SLC25A21: variants seen among roughly 807,000 people sequenced by gnomAD.
The protein encoded by SLC25A21 is mitochondrial 2-oxodicarboxylate carrier.
SLC25A21 carries 47 observed loss-of-function variants against 43.8 expected under a neutral mutation model. The observed-to-expected ratio is 1.07, with a 90% CI of 0.85 to 1.37. The LOEUF (loss-of-function observed/expected upper bound fraction) is 1.37, where lower values mean the gene tolerates loss of function less well. Ranked by LOEUF, SLC25A21 falls within the 40% of genes most tolerant of loss-of-function variation. The probability of loss-of-function intolerance (pLI) is 0.00; values close to 1 mark genes in which losing one functional copy is unlikely to be tolerated. For synonymous variants in SLC25A21, 131 were observed against 121.3 expected (o/e 1.08, Z -0.52); for missense variants, 352 against 350.2 (o/e 1.00, Z -0.04).
chr14:36,905,862 T>C (rs1375727101), intron 1 of SLC25A21, among the ~76,000 whole-genome samples: 4 of 152,082 alleles, frequency 2.6e-5, no homozygotes, highest in Non-Finnish European at 4.4e-5. Flanking sequence ...ACCTGAGAAA[T>C]GGATATGGCT....
chr14:36,967,262 C>T (rs1170460776), intron 1 of SLC25A21, among the ~76,000 whole-genome samples: 3 of 152,152 alleles, frequency 2.0e-5, no homozygotes, highest in Non-Finnish European at 2.9e-5. Flanking sequence ...TGTGGTTCTA[C>T]CACATTCCCA....
At chr14:37,059,674 G>A (rs982875266) in intron 1 of SLC25A21, among the ~76,000 whole-genome samples, 2 of 152,122 alleles carry the variant, frequency 1.3e-5, no homozygotes, top group Non-Finnish European at 2.9e-5. Context: ...TGCCCACAAA[G>A]GCACACCTGC....
intron 1 of SLC25A21, among the ~76,000 whole-genome samples, chr14:37,143,149 G>A (rs1963599170): frequency 6.6e-6 from 1 of 152,184 alleles, no homozygotes; most frequent in African/African-American, 2.4e-5. Context: ...GCCTTATAAT[G>A]GAAAGTTTTA....
At chr14:37,043,715 C>T (rs547960928) in intron 1 of SLC25A21, among the ~76,000 whole-genome samples, 223 of 151,978 alleles carry the variant, frequency 1.5e-3, no homozygotes, top group African/African-American at 5.2e-3. Context: ...ATTCAAATTG[C>T]TTGGTCACTT....
chr14:37,029,954 G>A (rs1174134391), intron 1 of SLC25A21, among the ~76,000 whole-genome samples: 1 of 151,594 alleles, frequency 6.6e-6, no homozygotes, highest in African/African-American at 2.4e-5. Flanking sequence ...TAGTAGAGAT[G>A]AGATTTCACT....
chr14:36,792,381 C>G (rs972920884), intron 3 of SLC25A21, among the ~76,000 whole-genome samples: 1 of 152,104 alleles, frequency 6.6e-6, no homozygotes, highest in Non-Finnish European at 1.5e-5. Context: ...TCAATGGCTG[C>G]GAGTCTGTAT....
At chr14:36,814,811 A>G (rs1888396950) in intron 2 of SLC25A21, among the ~76,000 whole-genome samples, 1 of 152,172 alleles carries the variant, frequency 6.6e-6, no homozygotes, top group Admixed American at 6.5e-5. Context: ...CAGCAATCCC[A>G]TTACCGGGTA....
intron 7 of SLC25A21, among the ~76,000 whole-genome samples, chr14:36,696,077 A>G (rs143122859): frequency 0.032 from 4,943 of 152,206 alleles, 289 homozygotes; most frequent in East Asian, 0.29. Context: ...TTTGAGATAC[A>G]TTCCATCAAT....
intron 1 of SLC25A21, among the ~76,000 whole-genome samples, chr14:36,975,439 A>AT (rs935700723): frequency 8.6e-5 from 13 of 151,946 alleles, no homozygotes; most frequent in East Asian, 5.8e-4. Context: ...TGTAAGAAAG[A>AT]TTTTTTTTTC....
chr14:36,712,834 A>G (rs1460300555), intron 6 of SLC25A21, among the ~76,000 whole-genome samples: 1 of 152,232 alleles, frequency 6.6e-6, no homozygotes, highest in African/African-American at 2.4e-5. Context: ...GTTTGACAAC[A>G]TGAGATTTTT....
chr14:36,874,393 C>T (rs7156065), intron 2 of SLC25A21, among the ~76,000 whole-genome samples: 4,848 of 152,272 alleles, frequency 0.032, 248 homozygotes, highest in African/African-American at 0.11. Flanking sequence ...TTATACCCCA[C>T]AAAGTTTTGT....
At chr14:36,708,088 A>C (rs1883656834) in intron 7 of SLC25A21, among the ~76,000 whole-genome samples, 1 of 152,232 alleles carries the variant, frequency 6.6e-6, no homozygotes, top group South Asian at 2.1e-4. Context: ...TGTTTCAAAA[A>C]AACTAACCAA....
chr14:36,742,486 A>C (rs1004823798), intron 3 of SLC25A21, among the ~76,000 whole-genome samples: 1 of 152,186 alleles, frequency 6.6e-6, no homozygotes, highest in Non-Finnish European at 1.5e-5. Flanking sequence ...CAGAATCCAA[A>C]TGAAAGAGTG....
intron 1 of SLC25A21, among the ~76,000 whole-genome samples, chr14:37,136,421 AT>A (rs901277931): frequency 1.3e-5 from 2 of 151,978 alleles, no homozygotes; most frequent in East Asian, 1.9e-4. Flanking sequence ...TCCAGGAAAC[AT>A]TTTTTTTCCT....
intron 3 of SLC25A21, among the ~76,000 whole-genome samples, chr14:36,786,864 C>T (rs1184833933): frequency 6.6e-6 from 1 of 152,154 alleles, no homozygotes; most frequent in Non-Finnish European, 1.5e-5. Context: ...ATGTTCCCGG[C>T]CCAGCCTCGG....
At chr14:36,907,035 T>C (rs776778025) in intron 1 of SLC25A21, among the ~76,000 whole-genome samples, 2 of 152,124 alleles carry the variant, frequency 1.3e-5, no homozygotes, top group African/African-American at 2.4e-5. Context: ...GCCAGCTTCA[T>C]AGCATTGTGT....
At chr14:37,111,450 A>G (rs1963017707) in intron 1 of SLC25A21, among the ~76,000 whole-genome samples, 2 of 152,148 alleles carry the variant, frequency 1.3e-5, no homozygotes, top group Admixed American at 6.6e-5. Flanking sequence ...CAGAAAAATA[A>G]AGGGGGAAGG....
intron 2 of SLC25A21, among the ~76,000 whole-genome samples, chr14:36,825,683 G>GA (rs1346441949): frequency 2.0e-5 from 3 of 152,160 alleles, no homozygotes; most frequent in Admixed American, 6.6e-5. Flanking sequence ...ATTACCTTTA[G>GA]AAAATAACTC....
In SLC25A21 at chr14:36,749,245, T is replaced by C. The variant is rs1427748515; in HGVS notation, c.204-14672A>G. Among the ~76,000 whole-genome samples, 13 of 152,326 alleles carry C rather than the reference T, an allele frequency of 8.5e-5. No individual in the cohort carries two copies. In the East Asian group the frequency reaches 2.1e-3, roughly 25 times the overall value. ...GCTGCCTGATTCGCGAATCGTTCTT[T>C]GCTCAATTAAATTCTTCTAAATTTA... On this transcript the variant is annotated intron_variant, in intron 3 of 9. Transcript: ENST00000331299.
Sources: allele counts gnomAD v4.1 joint callset (sites outside exome capture counted in the v4.1 genomes callset), GRCh38; gene constraint gnomAD v4.1.1; transcripts MANE v1.5; gene names NCBI Gene and HGNC (gene_info 2026-07-23, HGNC 2026-07-21).